CYB5A: variants seen among roughly 807,000 people sequenced by gnomAD.
CYB5A encodes cytochrome b5.
CYB5A carries 10 observed loss-of-function variants against 16.2 expected under a neutral mutation model. That is an observed-to-expected ratio of 0.62 (90% CI 0.38 to 1.04). The LOEUF is 1.04. Among genes scored for constraint, CYB5A ranks in the 50% least tolerant of loss-of-function variants. The pLI, the probability that CYB5A is intolerant of heterozygous loss-of-function variation, is 0.01. For missense variants in CYB5A, 161 were observed against 165.9 expected, an observed-to-expected ratio of 0.97 and a Z score of 0.16; for synonymous variants, 62 against 57.0, an observed-to-expected ratio of 1.09 and a Z score of -0.40.
At chr18:74,255,349 C>T (rs953731482) in intron 4 of CYB5A, among the ~76,000 whole-genome samples, 1 of 152,154 alleles carries the variant, frequency 6.6e-6, no homozygotes, top group Admixed American at 6.5e-5. Context: ...CAAAGGAAAA[C>T]TGACCCATGT....
intron 1 of CYB5A, among the ~76,000 whole-genome samples, chr18:74,268,273 G>T (rs1368861577): frequency 6.6e-6 from 1 of 152,206 alleles, no homozygotes; most frequent in Admixed American, 6.5e-5. Context: ...ACACAAAGGG[G>T]TCAGGACGGG....
At chr18:74,253,703 T>G (rs369595573) in intron 4 of CYB5A, 38 bp from the exon 5 acceptor site, 40 of 1,380,806 alleles carry the variant, frequency 2.9e-5, no homozygotes, top group Non-Finnish European at 3.9e-5. Context: ...TGACATGATG[T>G]GCACTGTGGT....
In CYB5A at chr18:74,253,602, T is replaced by C. The variant is rs190281470; in HGVS notation, c.387A>G (p.Leu129=). ...SAVAVALMYR[L]YMAED is the part of the protein sequence containing the mutation. Reference sequence around the variant, plus strand: ...GAGGTGTTCAGTCCTCTGCCATGTATAGGCGATACATCAAGGCGACGGCCA... The same window carrying C: ...GAGGTGTTCAGTCCTCTGCCATGTACAGGCGATACATCAAGGCGACGGCCA... Residue 129 remains leucine (L), a synonymous_variant, in exon 5 of 5, where the codon CTA becomes CTG. Coordinates refer to ENST00000340533, the MANE Select transcript of CYB5A (RefSeq NM_148923.4). 5.9e-5 allele frequency: 95 copies of C among 1,612,972 alleles called. No homozygotes were observed. Among genetic ancestry groups the C allele is most frequent in the Middle Eastern group, 1.7e-4 (1 of 6,044 alleles).
intron 1 of CYB5A, among the ~76,000 whole-genome samples, chr18:74,284,250 A>AGAG (rs1983234233): frequency 2.0e-5 from 3 of 151,472 alleles, no homozygotes; most frequent in Non-Finnish European, 4.4e-5. Context: ...AAAAAAAAAA[A>AGAG]AAAGAGAGAT....
At position 74,263,616 on chromosome 18, in the gene CYB5A, G is replaced by C. The variant is rs1982307165; in HGVS notation, c.130-139C>G. The stretch of plus-strand genomic sequence containing the variant: ...ACAGGAGACTAACTTGTCCATAAAT[G>C]TGGATTAAAACAACACAGGCCTTTA... On this transcript the variant is annotated intron_variant, in intron 1 of 4. Transcript: ENST00000340533. 2.8e-5 allele frequency: 21 copies of C among 763,506 alleles called. No individual in the cohort carries two copies. In the South Asian group the frequency reaches 2.8e-4, roughly 10 times the overall value. The allele number at this position is 763,506 out of a possible 1,614,324, so 47.3% of individuals were successfully genotyped here.
chr18:74,291,960 A>T lies in CYB5A; in HGVS notation c.-85T>A. On this transcript the variant is annotated 5_prime_UTR_variant, in exon 1 of 5. An upstream start codon of the reference 5' UTR is lost. Transcript: ENST00000340533. The stretch of plus-strand genomic sequence containing the variant: ...CGACTCAGCCAGCTCCACCCGGGAC[A>T]TTCCCCGCGCCGGGAACCCCACTGG... 1 of 1,595,272 alleles carries T rather than the reference A, an allele frequency of 6.3e-7. No homozygotes were observed. The highest frequency in any genetic ancestry group is 8.5e-7 in the Non-Finnish European group (1 of 1,175,878).
chr18:74,258,393 T>A (rs1352093711), intron 3 of CYB5A: 4 of 152,268 alleles, frequency 2.6e-5, no homozygotes, highest in African/African-American at 4.8e-5. Context: ...ACATTTATGT[T>A]AGATTAAAAT....
intron 4 of CYB5A, 101 bp from the exon 5 acceptor site, chr18:74,253,766 T>A (rs1981858800): frequency 6.1e-6 from 5 of 820,496 alleles, no homozygotes; most frequent in South Asian, 5.7e-5. Context: ...CATGTTTTTC[T>A]TAACTCTGTA....
Position 74,252,804 on chromosome 18 carries a change from A to C in CYB5A, c.*780T>G, listed in dbSNP as rs1025463579. ...CTACAACCTCTGCCTCCTGGGTTCA[A>C]GCAATTCTCCTGCCTCAGCCTCCCA... On this transcript the variant is annotated 3_prime_UTR_variant, in exon 5 of 5. Transcript: ENST00000340533. 6.6e-6 allele frequency: 1 copy of C among 152,232 alleles called. No homozygotes were observed. Among genetic ancestry groups the C allele is most frequent in the Non-Finnish European group, 1.5e-5 (1 of 68,108 alleles). 9.4% of individuals were successfully genotyped at this position (152,232 alleles called of 1,614,324 possible). A position where few individuals can be genotyped will look rare whatever the true frequency, so the allele number is the denominator to read the frequency against.
chr18:74,291,373 A>C (rs1983529432), intron 1 of CYB5A, among the ~76,000 whole-genome samples: 1 of 151,382 alleles, frequency 6.6e-6, no homozygotes, highest in Non-Finnish European at 1.5e-5. Context: ...AGGTGTACGG[A>C]TTCGGGGAGC....
intron 1 of CYB5A, among the ~76,000 whole-genome samples, chr18:74,267,317 C>T (rs1027322200): frequency 3.3e-4 from 51 of 152,252 alleles, no homozygotes; most frequent in Middle Eastern, 3.4e-3. Flanking sequence ...CCACCACACC[C>T]GGCTAATTTT....
At chr18:74,256,569 T>C (rs1011948055) in intron 3 of CYB5A, 1 of 509,756 alleles carries the variant, frequency 2.0e-6, no homozygotes, top group East Asian at 3.0e-5. Flanking sequence ...TATCAACTTT[T>C]TGGGGCTTGA....
intron 1 of CYB5A, among the ~76,000 whole-genome samples, chr18:74,276,016 C>T (rs1043682576): frequency 1.3e-5 from 2 of 152,172 alleles, no homozygotes; most frequent in African/African-American, 2.4e-5. Context: ...CTCGACCCAA[C>T]ACAAGCTCCA....
chr18:74,282,581 G>A (rs1488117638), intron 1 of CYB5A, among the ~76,000 whole-genome samples: 3 of 152,180 alleles, frequency 2.0e-5, no homozygotes, highest in Non-Finnish European at 1.5e-5. Context: ...TATCACAGCC[G>A]GGAGGGTCTA....
intron 2 of CYB5A, 23 bp from the exon 3 acceptor site, chr18:74,260,967 A>G (rs746482054): frequency 6.2e-7 from 1 of 1,604,230 alleles, no homozygotes; most frequent in South Asian, 1.1e-5. Context: ...GATAAGGCAC[A>G]TTATGGAATT....
In CYB5A at chr18:74,291,823, T is replaced by C; in HGVS notation, c.53A>G (p.Gln18Arg). 1 of 1,613,886 alleles carries C rather than the reference T, an allele frequency of 6.2e-7. No homozygotes were observed. Among genetic ancestry groups the C allele is most frequent in the Non-Finnish European group, 8.5e-7 (1 of 1,179,874 alleles). ...AVKYYTLEEI[Q>R]KHNHSKSTWL... ...GGTGCTCTTGCTGTGGTTGTGCTTCTGAATCTCCTCTAGGGTGTAGTACTT... is the reference window on the plus strand; with the variant it reads ...GGTGCTCTTGCTGTGGTTGTGCTTCCGAATCTCCTCTAGGGTGTAGTACTT... Residue 18 changes from glutamine to arginine, a missense_variant, in exon 1 of 5, where the codon CAG (glutamine) becomes CGG (arginine). Coordinates refer to ENST00000340533, the MANE Select transcript of CYB5A (RefSeq NM_148923.4).
chr18:74,253,731 T>C (rs1790871), intron 4 of CYB5A, 66 bp from the exon 5 acceptor site: 1,121,200 of 1,125,876 alleles, frequency 1, 558,399 homozygotes, highest in East Asian at 1. Flanking sequence ...AAATCTTTGC[T>C]CCTTCTAACA....
At chr18:74,280,744 C>T (rs1386273092) in intron 1 of CYB5A, among the ~76,000 whole-genome samples, 1 of 152,112 alleles carries the variant, frequency 6.6e-6, no homozygotes, top group East Asian at 1.9e-4. Flanking sequence ...TATCGACTTG[C>T]TTTTCCATCT....
rs1177600918 is a variant in CYB5A at position 74,284,968 on chromosome 18, C to T, written c.129+6779G>A. ...CCACCCAATCTTCAGCTCACCCTCC[C>T]GGTCCCCATGTTGGAACTCAGTAAA... On this transcript the variant is annotated intron_variant, in intron 1 of 4. Coordinates refer to ENST00000340533, the MANE Select transcript of CYB5A (RefSeq NM_148923.4). Among the ~76,000 whole-genome samples, 6 of 152,318 alleles carry T rather than the reference C, an allele frequency of 3.9e-5. No homozygotes were observed. The South Asian group carries it at 1.2e-3, about 32-fold the overall frequency.
Sources: allele counts gnomAD v4.1 joint callset (sites outside exome capture counted in the v4.1 genomes callset), GRCh38; gene constraint gnomAD v4.1.1; transcripts MANE v1.5; gene names NCBI Gene and HGNC (gene_info 2026-07-23, HGNC 2026-07-21).